KCNT2: variants seen among roughly 807,000 people sequenced by gnomAD.
KCNT2 encodes the protein potassium channel subfamily T member 2.
KCNT2 carries 67 observed loss-of-function variants against 153.8 expected under a neutral mutation model. The ratio of observed to expected loss-of-function variants is 0.44; its 90% CI spans 0.36 to 0.53. The LOEUF is 0.53. Among genes scored for constraint, KCNT2 ranks in the 20% least tolerant of loss-of-function variants. The pLI, the probability that KCNT2 is intolerant of heterozygous loss-of-function variation, is 0.00. For missense variants in KCNT2, 975 were observed against 1,354.8 expected, an observed-to-expected ratio of 0.72 and a Z score of 4.40; for synonymous variants, 500 against 458.8, an observed-to-expected ratio of 1.09 and a Z score of -1.15.
At chr1:196,432,395 T>C (rs1674242745) in intron 8 of KCNT2, among the ~76,000 whole-genome samples, 1 of 152,086 alleles carries the variant, frequency 6.6e-6, no homozygotes, top group Non-Finnish European at 1.5e-5. Context: ...AATGCCAGTG[T>C]GGGAGAGCTG....
intron 27 of KCNT2, among the ~76,000 whole-genome samples, chr1:196,234,258 C>A (rs112300825): frequency 1.3e-5 from 2 of 151,076 alleles, no homozygotes; most frequent in African/African-American, 4.8e-5. Flanking sequence ...ACCCACATAT[C>A]ATCTCTTTTT....
intron 8 of KCNT2, among the ~76,000 whole-genome samples, chr1:196,435,579 A>G (rs948782869): frequency 2.2e-4 from 33 of 151,828 alleles, no homozygotes; most frequent in African/African-American, 7.2e-4. Flanking sequence ...AACGTATTTC[A>G]AAAGTTTTTA....
intron 21 of KCNT2, among the ~76,000 whole-genome samples, chr1:196,312,364 G>A (rs577710590): frequency 2.5e-4 from 38 of 151,508 alleles, no homozygotes; most frequent in African/African-American, 8.0e-4. Flanking sequence ...CTGCTTTAAA[G>A]GCCTACTAAG....
At chr1:196,395,162 C>T (rs1026516292) in intron 13 of KCNT2, among the ~76,000 whole-genome samples, 1 of 151,030 alleles carries the variant, frequency 6.6e-6, no homozygotes, top group African/African-American at 2.4e-5. Context: ...GTTTGTTTTC[C>T]TAAAATATTT....
In KCNT2 at chr1:196,334,032, T is replaced by C; in HGVS notation, c.1812A>G (p.Thr604=). The part of the protein sequence containing the change: ...MGTVAIDLQD[T]SCRSASGPTL... ...TAGGGCCACTTGCTGATCTACAGCTTGTATCTTGCAAGTCTATAGCCACAG... is the reference window on the plus strand; with the variant it reads ...TAGGGCCACTTGCTGATCTACAGCTCGTATCTTGCAAGTCTATAGCCACAG... The change falls in exon 17 of 28, where the codon ACA becomes ACG. Residue 604 remains threonine (T), a synonymous_variant. Transcript: ENST00000294725. 1 of 1,613,238 alleles carries C rather than the reference T, an allele frequency of 6.2e-7. No individual in the cohort carries two copies. Among genetic ancestry groups the C allele is most frequent in the South Asian group, 1.1e-5 (1 of 91,068 alleles).
chr1:196,477,485 G>A (rs924971788), intron 5 of KCNT2, among the ~76,000 whole-genome samples: 2 of 152,080 alleles, frequency 1.3e-5, no homozygotes, highest in African/African-American at 4.8e-5. Context: ...CTAGTCAAGA[G>A]AGTAGGGAGA....
chr1:196,535,717 C>T (rs1271692420), intron 1 of KCNT2, among the ~76,000 whole-genome samples: 1 of 152,176 alleles, frequency 6.6e-6, no homozygotes, highest in Non-Finnish European at 1.5e-5. Flanking sequence ...AGCTTTTTCT[C>T]TCTGAGCATG....
At chr1:196,523,246 A>G (rs944186645) in intron 1 of KCNT2, among the ~76,000 whole-genome samples, 3 of 152,140 alleles carry the variant, frequency 2.0e-5, no homozygotes, top group African/African-American at 7.2e-5. Flanking sequence ...CGGAAGGAAG[A>G]AACTCCAGAC....
intron 22 of KCNT2, among the ~76,000 whole-genome samples, chr1:196,297,563 T>A (rs893344239): frequency 2.0e-5 from 3 of 152,206 alleles, no homozygotes; most frequent in Non-Finnish European, 4.4e-5. Context: ...GTTATCCATA[T>A]AAATTGTATT....
chr1:196,469,517 A>G (rs1677907450), intron 5 of KCNT2, among the ~76,000 whole-genome samples: 1 of 152,188 alleles, frequency 6.6e-6, no homozygotes, highest in African/African-American at 2.4e-5. Context: ...CTTTAATACA[A>G]TTTAAAGAAA....
chr1:196,512,383 C>G (rs887754251), intron 1 of KCNT2, among the ~76,000 whole-genome samples: 6 of 152,080 alleles, frequency 3.9e-5, no homozygotes, highest in African/African-American at 1.4e-4. Context: ...ATTAAGCTGT[C>G]TACTCAATAT....
intron 13 of KCNT2, among the ~76,000 whole-genome samples, chr1:196,383,629 G>A (rs1165643855): frequency 6.6e-6 from 1 of 152,092 alleles, no homozygotes; most frequent in Non-Finnish European, 1.5e-5. Flanking sequence ...GGAATCATCG[G>A]GAGTGATGAC....
intron 1 of KCNT2, among the ~76,000 whole-genome samples, chr1:196,553,094 T>C (rs1658167101): frequency 6.6e-6 from 1 of 151,080 alleles, no homozygotes; most frequent in Non-Finnish European, 1.5e-5. Context: ...GTAAATGGAC[T>C]AAACTCTCTG....
At chr1:196,321,441 T>C (rs1234886676) in intron 19 of KCNT2, among the ~76,000 whole-genome samples, 1 of 151,994 alleles carries the variant, frequency 6.6e-6, no homozygotes, top group Non-Finnish European at 1.5e-5. Context: ...ATTTTGTTGC[T>C]TTGTCTAGCA....
chr1:196,573,576 T>C (rs1371206186), intron 1 of KCNT2, among the ~76,000 whole-genome samples: 1 of 151,946 alleles, frequency 6.6e-6, no homozygotes, highest in African/African-American at 2.4e-5. Flanking sequence ...CTTTAAGCTG[T>C]TTTTCCAATA....
At chr1:196,253,334 T>C (rs1656158532) in intron 26 of KCNT2, among the ~76,000 whole-genome samples, 1 of 151,430 alleles carries the variant, frequency 6.6e-6, no homozygotes, top group Non-Finnish European at 1.5e-5. Flanking sequence ...GTAGGTATTC[T>C]GATGCCACCC....
intron 12 of KCNT2, among the ~76,000 whole-genome samples, chr1:196,400,347 A>G (rs1196173897): frequency 6.6e-6 from 1 of 151,736 alleles, no homozygotes; most frequent in Non-Finnish European, 1.5e-5. Context: ...ATTTTATTTC[A>G]TTATGTTTAG....
chr1:196,393,162 T>G (rs552505695), intron 13 of KCNT2, among the ~76,000 whole-genome samples: 9 of 151,556 alleles, frequency 5.9e-5, no homozygotes, highest in African/African-American at 2.2e-4. Flanking sequence ...TAATTCACAC[T>G]TTCATTCACT....
chr1:196,357,710 T>C (rs1304285226), intron 14 of KCNT2, among the ~76,000 whole-genome samples: 2 of 151,858 alleles, frequency 1.3e-5, no homozygotes, highest in Non-Finnish European at 2.9e-5. Flanking sequence ...TCTGGGGGCT[T>C]TTAGAGGCCA....
Sources: allele counts gnomAD v4.1 joint callset (sites outside exome capture counted in the v4.1 genomes callset), GRCh38; gene constraint gnomAD v4.1.1; transcripts MANE v1.5; gene names NCBI Gene and HGNC (gene_info 2026-07-23, HGNC 2026-07-21).